Variants in ERI3 observed in about 807,000 individuals in gnomAD.
ERI3 encodes the protein ERI1 exoribonuclease 3.
ERI3 carries 18 observed loss-of-function variants against 44.4 expected under a neutral mutation model. The ratio of observed to expected loss-of-function variants is 0.41; its 90% CI spans 0.28 to 0.60. The LOEUF is 0.60. ERI3 is among the 20% of genes least tolerant of loss of function. ERI3 has a pLI of 0.36. For missense variants in ERI3, 294 were observed against 435.5 expected (o/e 0.68, Z 2.89); for synonymous variants, 183 against 164.8 (o/e 1.11, Z -0.84).
At chr1:44,294,083 T>C (rs1376691766) in intron 6 of ERI3, among the ~76,000 whole-genome samples, 1 of 152,228 alleles carries the variant, frequency 6.6e-6, no homozygotes, top group East Asian at 1.9e-4. Flanking sequence ...CGACCTGCTG[T>C]GCAGGGGGCA....
chr1:44,290,964 G>A (rs1645494695), intron 6 of ERI3, among the ~76,000 whole-genome samples: 1 of 152,200 alleles, frequency 6.6e-6, no homozygotes, highest in South Asian at 2.1e-4. Context: ...AACAATGAGA[G>A]CAGGCACGAG....
chr1:44,338,527 A>G (rs1646580881), intron 3 of ERI3, among the ~76,000 whole-genome samples: 1 of 152,242 alleles, frequency 6.6e-6, no homozygotes, highest in South Asian at 2.1e-4. Context: ...CCCCCAGAGC[A>G]AGTGGTCCAA....
chr1:44,222,032 T>A (rs548204604), intron 8 of ERI3, among the ~76,000 whole-genome samples: 3 of 152,334 alleles, frequency 2.0e-5, no homozygotes, highest in Middle Eastern at 3.4e-3. Context: ...TCCGCCACAC[T>A]CCGTCTTCCC....
chr1:44,315,494 C>T (rs1050066351), intron 4 of ERI3, among the ~76,000 whole-genome samples: 12 of 152,212 alleles, frequency 7.9e-5, no homozygotes, highest in Admixed American at 2.6e-4. Flanking sequence ...GCAGACTAAA[C>T]CCAACTCTCC....
chr1:44,247,920 A>C lies in ERI3; in HGVS notation c.931+19T>G. 1 of 1,592,270 alleles carries C rather than the reference A, an allele frequency of 6.3e-7. No homozygotes were observed. The highest frequency in any genetic ancestry group is 8.6e-7 in the Non-Finnish European group (1 of 1,166,134). On this transcript the variant is annotated intron_variant, in intron 8 of 8. Coordinates refer to ENST00000372257, the MANE Select transcript of ERI3 (RefSeq NM_024066.3). The stretch of plus-strand genomic sequence containing the variant: ...GGACGATGGATGGAGCTGCCGGGGG[A>C]ATATGCGAAGGGACTGACCAATGCC...
intron 7 of ERI3, among the ~76,000 whole-genome samples, chr1:44,261,178 T>C (rs985234192): frequency 6.6e-6 from 1 of 152,198 alleles, no homozygotes; most frequent in African/African-American, 2.4e-5. Flanking sequence ...TGATGGGAGA[T>C]ATTTGTGTCT....
chr1:44,276,211 C>T (rs764475669), intron 7 of ERI3, among the ~76,000 whole-genome samples: 1 of 152,230 alleles, frequency 6.6e-6, no homozygotes, highest in African/African-American at 2.4e-5. Flanking sequence ...GGTCCCATCT[C>T]GAACATTAGG....
At chr1:44,329,290 C>T (rs368487628) in intron 3 of ERI3, among the ~76,000 whole-genome samples, 7 of 152,210 alleles carry the variant, frequency 4.6e-5, no homozygotes, top group African/African-American at 1.7e-4. Flanking sequence ...TCCTGCATAT[C>T]CTAAGGCACC....
At chr1:44,236,848 T>C (rs1644316964) in intron 8 of ERI3, among the ~76,000 whole-genome samples, 1 of 152,054 alleles carries the variant, frequency 6.6e-6, no homozygotes, top group Non-Finnish European at 1.5e-5. Context: ...GAACACAGGA[T>C]TTTCACTCAC....
intron 8 of ERI3, among the ~76,000 whole-genome samples, chr1:44,233,232 T>G (rs544864077): frequency 2.0e-5 from 3 of 152,130 alleles, no homozygotes; most frequent in Admixed American, 6.5e-5. Context: ...AATTTCAAGT[T>G]TCTCTACTTT....
chr1:44,266,943 T>A (rs1216729331), intron 7 of ERI3, among the ~76,000 whole-genome samples: 1 of 152,192 alleles, frequency 6.6e-6, no homozygotes, highest in African/African-American at 2.4e-5. Flanking sequence ...AATTCCTAGA[T>A]AGGCTCGTCC....
intron 7 of ERI3, among the ~76,000 whole-genome samples, chr1:44,268,023 C>T (rs1486990392): frequency 2.6e-5 from 4 of 152,228 alleles, no homozygotes; most frequent in East Asian, 1.9e-4. Flanking sequence ...AACATACAGA[C>T]GTGTTTACAT....
At chr1:44,277,893 G>C (rs1645210092) in intron 7 of ERI3, among the ~76,000 whole-genome samples, 2 of 152,178 alleles carry the variant, frequency 1.3e-5, no homozygotes, top group South Asian at 4.1e-4. Flanking sequence ...GCGAGGACTA[G>C]ACAATGTAGG....
intron 7 of ERI3, among the ~76,000 whole-genome samples, chr1:44,261,631 G>A (rs761417437): frequency 1.3e-5 from 2 of 152,368 alleles, no homozygotes; most frequent in Admixed American, 6.5e-5. Flanking sequence ...GAGAGCTGGC[G>A]GCTGCGCCCC....
At chr1:44,270,848 C>T (rs1478662070) in intron 7 of ERI3, among the ~76,000 whole-genome samples, 1 of 152,202 alleles carries the variant, frequency 6.6e-6, no homozygotes, top group Non-Finnish European at 1.5e-5. Context: ...GCCACACCCA[C>T]CAGGGATGCA....
intron 5 of ERI3, among the ~76,000 whole-genome samples, chr1:44,312,578 C>T (rs1015556500): frequency 6.6e-6 from 1 of 152,214 alleles, no homozygotes; most frequent in Non-Finnish European, 1.5e-5. Context: ...TTTGATTTCC[C>T]TCACATAGGC....
At chr1:44,247,397 C>A (rs1644576961) in intron 8 of ERI3, among the ~76,000 whole-genome samples, 1 of 152,162 alleles carries the variant, frequency 6.6e-6, no homozygotes, top group Admixed American at 6.5e-5. Context: ...CCAAGTGGAC[C>A]CCCTCAACCC....
intron 7 of ERI3, among the ~76,000 whole-genome samples, chr1:44,265,314 C>T (rs1644969371): frequency 6.6e-6 from 1 of 152,202 alleles, no homozygotes; most frequent in Non-Finnish European, 1.5e-5. Context: ...GCACAGGTGG[C>T]AGATATGCCT....
At chr1:44,283,943 C>G (rs1473505568) in intron 7 of ERI3, 1 of 465,652 alleles carries the variant, frequency 2.1e-6, no homozygotes, top group Admixed American at 2.4e-5. Context: ...TAGCCTCACC[C>G]CCCTTGACCT....
Sources: allele counts gnomAD v4.1 joint callset (sites outside exome capture counted in the v4.1 genomes callset), GRCh38; gene constraint gnomAD v4.1.1; transcripts MANE v1.5; gene names NCBI Gene and HGNC (gene_info 2026-07-23, HGNC 2026-07-21).